The following CHN1 variants were observed in gnomAD, a reference collection of about 807,000 sequenced individuals.
The protein encoded by CHN1 is N-chimaerin.
A neutral mutation model predicts 59.5 loss-of-function variants in CHN1; 37 were observed. The observed-to-expected ratio is 0.62, with a 90% CI of 0.48 to 0.82. The LOEUF (loss-of-function observed/expected upper bound fraction) is 0.82, where lower values mean the gene tolerates loss of function less well. Ranked by LOEUF, CHN1 falls within the 40% of genes least tolerant of loss-of-function variation. The pLI, the probability that CHN1 is intolerant of heterozygous loss-of-function variation, is 0.00. For missense variants in CHN1, 469 were observed against 571.0 expected (o/e 0.82, Z 1.82); for synonymous variants, 206 against 200.4 (o/e 1.03, Z -0.24).
At chr2:174,914,363 C>T (rs1290340039) in intron 5 of CHN1, among the ~76,000 whole-genome samples, 1 of 152,134 alleles carries the variant, frequency 6.6e-6, no homozygotes. Flanking sequence ...GCCAAGAGCT[C>T]CCAAGAAAAA....
chr2:174,944,029 T>C (rs1212486873), intron 3 of CHN1, among the ~76,000 whole-genome samples: 1 of 152,198 alleles, frequency 6.6e-6, no homozygotes, highest in Non-Finnish European at 1.5e-5. Context: ...ATATACATTT[T>C]ATATCTGGAA....
chr2:174,890,439 T>C (rs1360720360), intron 5 of CHN1, among the ~76,000 whole-genome samples: 1 of 152,132 alleles, frequency 6.6e-6, no homozygotes, highest in Non-Finnish European at 1.5e-5. Flanking sequence ...CCTGCCCTAG[T>C]CCCAGCTACT....
intron 8 of CHN1, among the ~76,000 whole-genome samples, chr2:174,813,926 C>T (rs932279083): frequency 2.0e-5 from 3 of 152,166 alleles, no homozygotes; most frequent in South Asian, 4.1e-4. Flanking sequence ...AAATGCTAGA[C>T]AAATGCTGGT....
intron 1 of CHN1, among the ~76,000 whole-genome samples, chr2:174,970,063 C>T (rs531978626): frequency 1.3e-5 from 2 of 152,290 alleles, no homozygotes; most frequent in South Asian, 2.1e-4. Context: ...TACACACTCA[C>T]AGTAAAAAGA....
intron 8 of CHN1, among the ~76,000 whole-genome samples, chr2:174,819,518 GTCT>G (rs985533446): frequency 5.9e-5 from 9 of 152,100 alleles, no homozygotes; most frequent in Non-Finnish European, 1.2e-4. Context: ...TGGAATAATG[GTCT>G]TTTTTTAAAG....
At chr2:174,885,324 T>C (rs1687865662) in intron 5 of CHN1, among the ~76,000 whole-genome samples, 1 of 151,488 alleles carries the variant, frequency 6.6e-6, no homozygotes, top group South Asian at 2.1e-4. Flanking sequence ...AAATTACATA[T>C]AACTGCCAAA....
intron 3 of CHN1, among the ~76,000 whole-genome samples, chr2:174,926,701 T>C (rs922421257): frequency 6.6e-6 from 1 of 152,138 alleles, no homozygotes; most frequent in Admixed American, 6.5e-5. Context: ...AATTGTGTAT[T>C]TGGTGAAAGT....
intron 3 of CHN1, among the ~76,000 whole-genome samples, chr2:174,938,651 A>G (rs895427423): frequency 6.6e-6 from 1 of 152,176 alleles, no homozygotes; most frequent in African/African-American, 2.4e-5. Flanking sequence ...TTGTATGCAC[A>G]CATATTTAAT....
chr2:174,894,014 T>C (rs1688132492), intron 5 of CHN1, among the ~76,000 whole-genome samples: 2 of 152,206 alleles, frequency 1.3e-5, no homozygotes, highest in South Asian at 2.1e-4. Context: ...ACACAACTCC[T>C]AGAAGAAAAC....
At chr2:174,893,971 T>C (rs1320282175) in intron 5 of CHN1, among the ~76,000 whole-genome samples, 1 of 152,088 alleles carries the variant, frequency 6.6e-6, no homozygotes, top group African/African-American at 2.4e-5. Flanking sequence ...CAACTCAAAA[T>C]GGATTAAAGA....
chr2:174,852,814 AAAAT>A (rs543167842), intron 6 of CHN1, among the ~76,000 whole-genome samples: 128 of 152,330 alleles, frequency 8.4e-4, no homozygotes, highest in African/African-American at 2.9e-3. Flanking sequence ...AAGGCTGACA[AAAAT>A]AAGTAATGGA....
chr2:174,916,422 AG>A (rs1688850760), intron 4 of CHN1, among the ~76,000 whole-genome samples: 1 of 152,174 alleles, frequency 6.6e-6, no homozygotes, highest in African/African-American at 2.4e-5. Context: ...CAAACATAGG[AG>A]GGTAGAGGGA....
intron 7 of CHN1, among the ~76,000 whole-genome samples, chr2:174,844,439 T>A (rs1558948990): frequency 6.6e-6 from 1 of 152,160 alleles, no homozygotes; most frequent in Non-Finnish European, 1.5e-5. Context: ...CAGTATTACA[T>A]AACAAGGCAG....
At chr2:174,986,824 C>A (rs1691361219) in intron 1 of CHN1, among the ~76,000 whole-genome samples, 1 of 152,236 alleles carries the variant, frequency 6.6e-6, no homozygotes, top group Admixed American at 6.5e-5. Flanking sequence ...GCAACCTCTG[C>A]CTCCTGGGTT....
At chr2:174,867,341 T>C (rs1461463081) in intron 6 of CHN1, among the ~76,000 whole-genome samples, 1 of 150,656 alleles carries the variant, frequency 6.6e-6, no homozygotes, top group African/African-American at 2.4e-5. Context: ...TGTGTCAAAC[T>C]GCACTCCCGC....
chr2:174,810,746 T>C (rs13012410), intron 10 of CHN1, among the ~76,000 whole-genome samples: 12,412 of 152,292 alleles, frequency 0.082, 1,016 homozygotes, highest in African/African-American at 0.21. Context: ...CTCTGTTGCC[T>C]ACAAGAGGTC....
chr2:174,920,775 A>C (rs1688992537), intron 3 of CHN1, among the ~76,000 whole-genome samples: 1 of 152,210 alleles, frequency 6.6e-6, no homozygotes, highest in South Asian at 2.1e-4. Flanking sequence ...GGACCAGGGC[A>C]GGAGCGGGGG....
intron 1 of CHN1, among the ~76,000 whole-genome samples, chr2:174,960,053 CT>C (rs1219814305): frequency 6.6e-6 from 1 of 152,114 alleles, no homozygotes; most frequent in East Asian, 1.9e-4. Context: ...GACTCTGGGA[CT>C]GGGAAAGCCT....
chr2:174,917,161 G>A (rs553396896), intron 4 of CHN1, among the ~76,000 whole-genome samples: 3 of 151,878 alleles, frequency 2.0e-5, no homozygotes, highest in East Asian at 1.9e-4. Flanking sequence ...GTCCAGGTGC[G>A]GTGGCTCACG....
Sources: allele counts gnomAD v4.1 joint callset (sites outside exome capture counted in the v4.1 genomes callset), GRCh38; gene constraint gnomAD v4.1.1; transcripts MANE v1.5; gene names NCBI Gene and HGNC (gene_info 2026-07-23, HGNC 2026-07-21).